Variants in ANKRD7 observed in about 807,000 individuals in gnomAD.
The protein encoded by ANKRD7 is ankyrin repeat domain 7.
ANKRD7 carries 30 observed loss-of-function variants against 30.8 expected under a neutral mutation model. The ratio of observed to expected loss-of-function variants is 0.97; its 90% CI spans 0.73 to 1.32. ANKRD7 has a LOEUF of 1.32. Among genes scored for constraint, ANKRD7 ranks in the 40% most tolerant of loss-of-function variants. The probability of loss-of-function intolerance (pLI) is 0.00; values close to 1 mark genes in which losing one functional copy is unlikely to be tolerated. For missense variants in ANKRD7, 264 were observed against 295.7 expected (o/e 0.89, Z 0.79); for synonymous variants, 97 against 106.6 (o/e 0.91, Z 0.55).
chr7:118,235,391 T>TC (rs1271254445), intron 3 of ANKRD7, among the ~76,000 whole-genome samples: 2 of 152,054 alleles, frequency 1.3e-5, no homozygotes, highest in Non-Finnish European at 2.9e-5. Context: ...GGTGGGTGGA[T>TC]CACGAGGTCA....
intron 5 of ANKRD7, among the ~76,000 whole-genome samples, chr7:118,237,317 T>C (rs1235949985): frequency 6.6e-6 from 1 of 152,210 alleles, no homozygotes; most frequent in East Asian, 1.9e-4. Flanking sequence ...AACATTTCAT[T>C]AGCTAACCTT....
chr7:118,226,616 G>A (rs987719336), intron 1 of ANKRD7, among the ~76,000 whole-genome samples: 2 of 152,136 alleles, frequency 1.3e-5, no homozygotes, highest in Non-Finnish European at 2.9e-5. Context: ...TCTTCATCCT[G>A]TTTTCTTCAC....
intron 1 of ANKRD7, among the ~76,000 whole-genome samples, chr7:118,227,581 G>A (rs936733928): frequency 6.6e-6 from 1 of 152,050 alleles, no homozygotes; most frequent in Non-Finnish European, 1.5e-5. Context: ...GTACTTCGGG[G>A]TTTCCTACTC....
At chr7:118,235,476 G>A (rs894405594) in intron 3 of ANKRD7, among the ~76,000 whole-genome samples, 3 of 151,972 alleles carry the variant, frequency 2.0e-5, no homozygotes, top group African/African-American at 4.8e-5. Context: ...GCTGGTCGTC[G>A]TGGTAGGCGC....
Position 118,234,451 on chromosome 7 carries a change from G to T in ANKRD7, c.200G>T (p.Cys67Phe). 2 of 1,610,868 alleles carry T rather than the reference G, an allele frequency of 1.2e-6. No homozygotes were observed. Among genetic ancestry groups the T allele is most frequent in the Non-Finnish European group, 1.7e-6 (2 of 1,178,718 alleles). ...KKYRTPLHLACANGHTDVVLF... is the reference protein window; with the variant it reads ...KKYRTPLHLAFANGHTDVVLF... ...CATAGAACACCTTTGCACCTAGCCT[G>T]TGCTAATGGACATACAGATGTTGTA... is the stretch of plus-strand genomic sequence containing the variant. Residue 67 changes from cysteine (C) to phenylalanine (F), a missense_variant, in exon 2 of 7, where the codon TGT becomes TTT. Coordinates refer to ENST00000265224, the MANE Select transcript of ANKRD7 (RefSeq NM_019644.4).
intron 1 of ANKRD7, among the ~76,000 whole-genome samples, chr7:118,230,474 T>C (rs972480093): frequency 6.6e-6 from 1 of 151,368 alleles, no homozygotes; most frequent in Admixed American, 6.6e-5. Context: ...TAGTTACCAG[T>C]GGTTTTAGAT....
intron 5 of ANKRD7, among the ~76,000 whole-genome samples, chr7:118,239,098 C>T (rs1385505453): frequency 6.6e-6 from 1 of 152,152 alleles, no homozygotes; most frequent in African/African-American, 2.4e-5. Flanking sequence ...AGGGCAGTCA[C>T]CTAAAGCAGG....
intron 3 of ANKRD7, among the ~76,000 whole-genome samples, chr7:118,235,176 A>T (rs1027029348): frequency 1.3e-5 from 2 of 152,216 alleles, no homozygotes; most frequent in African/African-American, 4.8e-5. Context: ...GGGTATTGAT[A>T]AAAATCATAA....
At chr7:118,234,366 G>A (rs1809690746) in intron 1 of ANKRD7, 65 bp from the exon 2 acceptor site, 4 of 1,103,832 alleles carry the variant, frequency 3.6e-6, no homozygotes, top group South Asian at 3.3e-5. Context: ...TTGTTTTTGG[G>A]TAAAACAAGT....
In ANKRD7 at chr7:118,236,821, C is replaced by T. The variant is rs762360582; in HGVS notation, c.607C>T (p.Pro203Ser). ...CCTTATTCTTGCTGTCAGTGGTGAA[C>T]CACCATGTTTAGTAAAGCTTCTTCT... ...TALILAVSGE[P>S]PCLVKLLLQQ... The change falls in exon 5 of 7, where the codon CCA (proline) becomes TCA (serine). Residue 203 changes from proline (P) to serine (S), a missense_variant. Physicochemically the swap from Pro to Ser is moderately conservative, Grantham distance 74. Coordinates refer to ENST00000265224, the MANE Select transcript of ANKRD7 (RefSeq NM_019644.4). 1.2e-6 allele frequency: 2 copies of T among 1,613,904 alleles called. No homozygotes were observed. The highest frequency in any genetic ancestry group is 2.2e-5 in the South Asian group (2 of 91,050).
chr7:118,229,196 C>CA (rs150824977), intron 1 of ANKRD7, among the ~76,000 whole-genome samples: 158 of 152,210 alleles, frequency 1.0e-3, no homozygotes, highest in African/African-American at 3.8e-3. Flanking sequence ...CTCAGATAGT[C>CA]ATATGACTTG....
chr7:118,240,951 G>A lies in ANKRD7; in HGVS notation c.*37+953G>A, dbSNP rs1402469274. Among the ~76,000 whole-genome samples the A allele has an allele frequency of 5.3e-5, 8 of 150,476 alleles. No individual in the cohort carries two copies. The East Asian group carries it at 1.2e-3, about 22-fold the overall frequency. On this transcript the variant is annotated intron_variant, in intron 6 of 6. Coordinates refer to ENST00000265224, the MANE Select transcript of ANKRD7 (RefSeq NM_019644.4). ...GGGTGGATCATGAGGTCAGGAGATC[G>A]AGACCATCCTGGCTAACAAGGTGAA...
intron 1 of ANKRD7, among the ~76,000 whole-genome samples, chr7:118,233,377 G>A (rs1809671410): frequency 6.6e-6 from 1 of 151,968 alleles, no homozygotes; most frequent in Non-Finnish European, 1.5e-5. Context: ...TTATATTGTA[G>A]TTGTATTACA....
At chr7:118,236,207 C>G in intron 4 of ANKRD7, 60 bp downstream of exon 4, 1 of 595,870 alleles carries the variant, frequency 1.7e-6, no homozygotes, top group East Asian at 3.2e-5. Flanking sequence ...TGTGTGTGTG[C>G]GTATGTGTGT....
At position 118,224,775 on chromosome 7, in the gene ANKRD7, G is replaced by A. The variant is rs1019745614; in HGVS notation, c.-56G>A. ...GCCAGGGCAGAGGGGCAGGGCGGAC[G>A]GCTAGGAGTTCAAGAAACATCCTGG... On this transcript the variant is annotated 5_prime_UTR_variant, in exon 1 of 7. Transcript: ENST00000265224. The A allele has an allele frequency of 3.1e-5, 48 of 1,561,394 alleles. No homozygotes were observed. The highest frequency in any genetic ancestry group is 2.2e-5 in the Non-Finnish European group (26 of 1,157,962).
intron 4 of ANKRD7, among the ~76,000 whole-genome samples, chr7:118,236,452 A>G (rs1300467590): frequency 6.6e-6 from 1 of 152,156 alleles, no homozygotes; most frequent in Non-Finnish European, 1.5e-5. Flanking sequence ...TAGATGACCA[A>G]CTGTTGTAGT....
chr7:118,236,331 A>C (rs1562873732), intron 4 of ANKRD7, among the ~76,000 whole-genome samples, 184 bp downstream of exon 4: 3 of 151,936 alleles, frequency 2.0e-5, no homozygotes, highest in Non-Finnish European at 4.4e-5. Flanking sequence ...GATTACCTAA[A>C]CTTTTAGGAT....
At chr7:118,225,105 C>T in intron 1 of ANKRD7, 96 bp downstream of exon 1, 1 of 1,373,902 alleles carries the variant, frequency 7.3e-7, no homozygotes, top group Non-Finnish European at 1.0e-6. Flanking sequence ...CACTGATTGT[C>T]ACTCCGGGTT....
chr7:118,239,667 T>C (rs987874845), intron 5 of ANKRD7, among the ~76,000 whole-genome samples: 1 of 152,170 alleles, frequency 6.6e-6, no homozygotes, highest in African/African-American at 2.4e-5. Flanking sequence ...TTTACTATCT[T>C]GATAGTGGCT....
Sources: allele counts gnomAD v4.1 joint callset (sites outside exome capture counted in the v4.1 genomes callset), GRCh38; gene constraint gnomAD v4.1.1; transcripts MANE v1.5; gene names NCBI Gene and HGNC (gene_info 2026-07-23, HGNC 2026-07-21).